The following OPCML variants were observed in gnomAD, a reference collection of about 807,000 sequenced individuals.
OPCML encodes the protein opioid binding protein/cell adhesion molecule like.
In OPCML, 13 loss-of-function variants were observed where a neutral mutation model predicts 37.8. That is an observed-to-expected ratio of 0.34 (90% CI 0.22 to 0.55). OPCML has a LOEUF of 0.55. Among genes scored for constraint, OPCML ranks in the 20% least tolerant of loss-of-function variants. The pLI, the probability that OPCML is intolerant of heterozygous loss-of-function variation, is 0.91. For missense variants in OPCML, 341 were observed against 435.6 expected (o/e 0.78, Z 1.93); for synonymous variants, 176 against 168.8 (o/e 1.04, Z -0.33).
intron 1 of OPCML, among the ~76,000 whole-genome samples, chr11:133,311,860 G>A (rs1427776638): frequency 2.6e-5 from 4 of 152,194 alleles, no homozygotes; most frequent in African/African-American, 4.8e-5. Context: ...TTACAGCTGG[G>A]CATTTCTGAC....
Position 132,551,876 on chromosome 11 carries a change from C to T in OPCML, c.380-22690G>A, listed in dbSNP as rs1224017982. On this transcript the variant is annotated intron_variant, in intron 3 of 7. Transcript: ENST00000524381. ...TGCGTGAATTACTCTTTCTCTCTTGCAATTCCCCTGTCTTGATAAATTGGC... is the reference window on the plus strand; with the variant it reads ...TGCGTGAATTACTCTTTCTCTCTTGTAATTCCCCTGTCTTGATAAATTGGC... Among the ~76,000 whole-genome samples, 3 of 152,300 alleles carry T rather than the reference C, an allele frequency of 2.0e-5. No homozygotes were observed. The East Asian group carries it at 5.8e-4, about 29-fold the overall frequency.
intron 1 of OPCML, among the ~76,000 whole-genome samples, chr11:132,989,712 G>A (rs1946741541): frequency 6.6e-6 from 1 of 151,550 alleles, no homozygotes; most frequent in African/African-American, 2.4e-5. Context: ...AAATAAAAAG[G>A]GGCTCAAACA....
chr11:132,465,176 G>A (rs1268151436), intron 4 of OPCML, among the ~76,000 whole-genome samples: 1 of 151,874 alleles, frequency 6.6e-6, no homozygotes, highest in African/African-American at 2.4e-5. Context: ...CTCTCTATTA[G>A]CACATTGCCA....
rs920779967 is a variant in OPCML, at chr11:132,969,981, T to C, written c.62-26971A>G. Among the ~76,000 whole-genome samples the C allele has an allele frequency of 2.0e-5, 3 of 152,216 alleles. 1 individual carries two copies. Among genetic ancestry groups the C allele is most frequent in the Admixed American group, 2.0e-4 (3 of 15,288 alleles). ...AAAAGTCACACTTTCCTGATTCTTT[T>C]CGTGTCTCATAATTTTTTGTTGAAA... On this transcript the variant is annotated intron_variant, in intron 1 of 7. Transcript: ENST00000524381.
rs956605762 is a variant in OPCML, at chr11:132,943,165, C to G, written c.62-155G>C. The G allele has an allele frequency of 6.3e-7, 1 of 1,599,116 alleles. No individual in the cohort carries two copies. Among genetic ancestry groups the G allele is most frequent in the African/African-American group, 1.3e-5 (1 of 74,606 alleles). ...GTCCCCCGCCCCGCGCACCAGCGGGCTCGGGAAGCGGTGCGGGGAGGAGGG... is the reference window on the plus strand; with the variant it reads ...GTCCCCCGCCCCGCGCACCAGCGGGGTCGGGAAGCGGTGCGGGGAGGAGGG... On this transcript the variant is annotated intron_variant, in intron 1 of 7. Transcript: ENST00000524381. This position sits in a 1 kb window ranked among gnomAD's most constrained non-coding sequence, Gnocchi z 4.3.
chr11:132,586,874 A>C (rs1274432404), intron 3 of OPCML, among the ~76,000 whole-genome samples: 1 of 152,208 alleles, frequency 6.6e-6, no homozygotes, highest in East Asian at 1.9e-4. Flanking sequence ...AAAATAAAGA[A>C]CAAATTATTG....
intron 1 of OPCML, among the ~76,000 whole-genome samples, chr11:133,385,134 C>T (rs4391826): frequency 0.23 from 35,414 of 152,032 alleles, 4,945 homozygotes; most frequent in African/African-American, 0.38. Flanking sequence ...ACACTCTATC[C>T]GTTGCAGCAC....
chr11:132,700,863 T>C (rs1405551485), intron 2 of OPCML, among the ~76,000 whole-genome samples: 2 of 152,198 alleles, frequency 1.3e-5, no homozygotes, highest in Non-Finnish European at 2.9e-5. Context: ...ATGATCTATC[T>C]ATCGTTGAAA....
chr11:132,438,191 G>T (rs373227154), intron 4 of OPCML, among the ~76,000 whole-genome samples: 1 of 152,110 alleles, frequency 6.6e-6, no homozygotes, highest in African/African-American at 2.4e-5. Context: ...TGGCCTCTCC[G>T]CCTTACCCCT....
intron 1 of OPCML, among the ~76,000 whole-genome samples, chr11:133,045,658 T>A (rs1423467935): frequency 6.6e-6 from 1 of 152,234 alleles, no homozygotes; most frequent in African/African-American, 2.4e-5. Flanking sequence ...CCTCTCCCAA[T>A]CAGGAGCATC....
chr11:132,811,912 C>T (rs1199742773), intron 2 of OPCML, among the ~76,000 whole-genome samples: 2 of 152,166 alleles, frequency 1.3e-5, no homozygotes, highest in African/African-American at 2.4e-5. Flanking sequence ...TGAACATAAT[C>T]GCAGAACAGT....
At chr11:133,398,111 G>A (rs866354341) in intron 1 of OPCML, among the ~76,000 whole-genome samples, 8 of 152,186 alleles carry the variant, frequency 5.3e-5, no homozygotes, top group Admixed American at 5.2e-4. Context: ...ACAAAGGGAG[G>A]CTCACCTGCT....
In OPCML at chr11:132,613,572, T is replaced by C. The variant is rs1021920360; in HGVS notation, c.379+43515A>G. 2.0e-5 allele frequency among the ~76,000 whole-genome samples: 3 copies of C among 152,288 alleles called. 1 individual carries two copies. Among genetic ancestry groups the C allele is most frequent in the Middle Eastern group, 6.8e-3 (2 of 294 alleles). ...TCAAAGAAAACCGAGGAAATAGATA[T>C]TGGAATCCCAGTCGTTCTTCCCCAT... On this transcript the variant is annotated intron_variant, in intron 3 of 7. Transcript: ENST00000524381.
intron 1 of OPCML, among the ~76,000 whole-genome samples, chr11:133,493,032 C>T (rs1565665364): frequency 6.6e-6 from 1 of 152,214 alleles, no homozygotes; most frequent in African/African-American, 2.4e-5. Flanking sequence ...CCTGTCAGTC[C>T]TTCGGAGCCC....
chr11:133,243,889 C>T (rs950424691), intron 1 of OPCML, among the ~76,000 whole-genome samples: 5 of 152,228 alleles, frequency 3.3e-5, no homozygotes, highest in Admixed American at 6.5e-5. Context: ...GAACACACTC[C>T]TCAGAGTTAT....
intron 4 of OPCML, among the ~76,000 whole-genome samples, chr11:132,456,461 A>T (rs2136882516): frequency 6.6e-6 from 1 of 152,342 alleles, no homozygotes; most frequent in African/African-American, 2.4e-5. Flanking sequence ...GAAATTCCAT[A>T]TATCTAGTCA....
At chr11:133,263,208 C>T (rs1941546109) in intron 1 of OPCML, among the ~76,000 whole-genome samples, 1 of 152,072 alleles carries the variant, frequency 6.6e-6, no homozygotes, top group Non-Finnish European at 1.5e-5. Context: ...ATTGGACGAA[C>T]TGTTTGCGGG....
intron 1 of OPCML, among the ~76,000 whole-genome samples, chr11:133,296,645 G>A (rs1220742460): frequency 6.6e-6 from 1 of 152,216 alleles, no homozygotes; most frequent in Non-Finnish European, 1.5e-5. Flanking sequence ...GTAGAAGCGT[G>A]TGGAACTCTG....
At chr11:132,596,453 T>G (rs1007495859) in intron 3 of OPCML, among the ~76,000 whole-genome samples, 1 of 152,184 alleles carries the variant, frequency 6.6e-6, no homozygotes, top group Non-Finnish European at 1.5e-5. Context: ...TCTCTTAATT[T>G]TTTTGTTGGG....
Sources: allele counts gnomAD v4.1 joint callset (sites outside exome capture counted in the v4.1 genomes callset), GRCh38; gene constraint gnomAD v4.1.1; non-coding constraint Gnocchi (gnomAD v3.1); transcripts MANE v1.5; gene names NCBI Gene and HGNC (gene_info 2026-07-23, HGNC 2026-07-21).